The following DYNC2H1 variants were observed in gnomAD, a reference collection of about 807,000 sequenced individuals.
DYNC2H1 encodes the protein cytoplasmic dynein 2 heavy chain 1.
DYNC2H1 carries 410 observed loss-of-function variants against 570.0 expected under a neutral mutation model. The ratio of observed to expected loss-of-function variants is 0.72; its 90% CI spans 0.66 to 0.78. The LOEUF is 0.78. Ranked by LOEUF, DYNC2H1 falls within the 30% of genes least tolerant of loss-of-function variation. The pLI is 0.00. For missense variants in DYNC2H1, 4,865 were observed against 5,046.4 expected, an observed-to-expected ratio of 0.96 and a Z score of 1.09; for synonymous variants, 1,688 against 1,677.6, an observed-to-expected ratio of 1.01 and a Z score of -0.15.
chr11:103,218,074 A>G (rs1863451011), intron 55 of DYNC2H1, among the ~76,000 whole-genome samples: 1 of 152,226 alleles, frequency 6.6e-6, no homozygotes, highest in South Asian at 2.1e-4. Flanking sequence ...TCAGTCTAGT[A>G]TGGCAAGGCC....
rs1260328469 is a variant in DYNC2H1, at chr11:103,299,262, G to T, written c.11096-3831G>T. Among the ~76,000 whole-genome samples the T allele has an allele frequency of 6.6e-6, 1 of 152,046 alleles. No homozygotes were observed. Among genetic ancestry groups the T allele is most frequent in the Non-Finnish European group, 1.5e-5 (1 of 67,984 alleles). ...CCATCCCATGCACCCTGCTTTCATA[G>T]CTCAATCTGTCTTATCAAGTTTGTG... On this transcript the variant is annotated intron_variant, in intron 75 of 88. Transcript: ENST00000375735. This position sits in a 1 kb window ranked among gnomAD's most constrained non-coding sequence, Gnocchi z 4.5.
chr11:103,475,587 G>A (rs1042755104), intron 88 of DYNC2H1, among the ~76,000 whole-genome samples: 2 of 152,076 alleles, frequency 1.3e-5, no homozygotes, highest in African/African-American at 4.8e-5. Context: ...TTTTACAGAA[G>A]TAACATTTAC....
chr11:103,236,097 TTA>T (rs1367700615), intron 62 of DYNC2H1, among the ~76,000 whole-genome samples: 10 of 152,078 alleles, frequency 6.6e-5, no homozygotes, highest in African/African-American at 2.4e-4. Flanking sequence ...CAATTAAACA[TTA>T]TGTTACTTTT....
At chr11:103,354,544 A>G (rs999828834) in intron 82 of DYNC2H1, among the ~76,000 whole-genome samples, 27 of 151,944 alleles carry the variant, frequency 1.8e-4, no homozygotes, top group Admixed American at 5.9e-4. Flanking sequence ...TTTGCTTACC[A>G]TTCCTTTTTA....
rs1021515697 is a variant in DYNC2H1 at position 103,369,001 on chromosome 11, A to G, written c.12156+10642A>G. On this transcript the variant is annotated intron_variant, in intron 83 of 88. Coordinates refer to ENST00000375735, the MANE Select transcript of DYNC2H1 (RefSeq NM_001377.3). This position sits in a 1 kb window ranked among gnomAD's most constrained non-coding sequence, Gnocchi z 4.0. ...TGCACACACAAAAACCACCTTTATA[A>G]GCACTAAAAATCAGGTAAGCACTCA... is the stretch of plus-strand genomic sequence containing the variant. Among the ~76,000 whole-genome samples the G allele has an allele frequency of 2.2e-4, 33 of 152,284 alleles. No homozygotes were observed. The highest frequency in any genetic ancestry group is 3.4e-3 in the Middle Eastern group (1 of 294).
At chr11:103,296,667 T>C (rs894445213) in intron 75 of DYNC2H1, among the ~76,000 whole-genome samples, 2 of 152,158 alleles carry the variant, frequency 1.3e-5, no homozygotes, top group Admixed American at 1.3e-4. Context: ...CTCAACTCAT[T>C]TGCTGTTTTC....
At chr11:103,316,789 T>A (rs138755851) in intron 80 of DYNC2H1, among the ~76,000 whole-genome samples, 169 bp downstream of exon 80, 46 of 152,242 alleles carry the variant, frequency 3.0e-4, no homozygotes, top group African/African-American at 1.0e-3. Context: ...AGAGTTCTTA[T>A]ATGGATCTGT....
intron 11 of DYNC2H1, among the ~76,000 whole-genome samples, chr11:103,123,267 T>A (rs1375522976): frequency 6.6e-6 from 1 of 152,212 alleles, no homozygotes; most frequent in Non-Finnish European, 1.5e-5. Flanking sequence ...CATGTTTTTT[T>A]ATTATTGGTA....
At chr11:103,210,753 C>T (rs1863125757) in intron 53 of DYNC2H1, among the ~76,000 whole-genome samples, 1 of 151,896 alleles carries the variant, frequency 6.6e-6, no homozygotes, top group South Asian at 2.1e-4. Context: ...AAACAGGCAT[C>T]TTATGAAACT....
chr11:103,274,019 G>C (rs1407522320), intron 70 of DYNC2H1, among the ~76,000 whole-genome samples: 1 of 152,070 alleles, frequency 6.6e-6, no homozygotes, highest in Non-Finnish European at 1.5e-5. Context: ...TAGACTGACA[G>C]GGGCTTTGCT....
At chr11:103,265,993 A>G (rs987593717) in intron 70 of DYNC2H1, among the ~76,000 whole-genome samples, 1 of 131,410 alleles carries the variant, frequency 7.6e-6, no homozygotes, top group Non-Finnish European at 1.5e-5. Flanking sequence ...GGGGACTCAT[A>G]TTGGGCCCCA....
chr11:103,429,241 A>C (rs1241257383), intron 84 of DYNC2H1, among the ~76,000 whole-genome samples: 2 of 145,244 alleles, frequency 1.4e-5, no homozygotes, highest in Non-Finnish European at 3.0e-5. Context: ...AGCCTGGGTG[A>C]CAGAGTGAGA....
chr11:103,322,082 A>C (rs555896064), intron 81 of DYNC2H1, among the ~76,000 whole-genome samples: 3 of 152,220 alleles, frequency 2.0e-5, no homozygotes, highest in Non-Finnish European at 2.9e-5. Flanking sequence ...TTATTACCTT[A>C]AGTATGCTGT....
intron 84 of DYNC2H1, among the ~76,000 whole-genome samples, chr11:103,400,593 T>C (rs575400558): frequency 7.2e-5 from 11 of 152,262 alleles, no homozygotes; most frequent in African/African-American, 2.6e-4. Context: ...GTTTGGAGAA[T>C]AGAAACTTTG....
chr11:103,474,802 G>A (rs1945502800), intron 88 of DYNC2H1, among the ~76,000 whole-genome samples: 1 of 152,026 alleles, frequency 6.6e-6, no homozygotes, highest in South Asian at 2.1e-4. Context: ...ATAGGGTTTG[G>A]CACCATCCGC....
In DYNC2H1 at chr11:103,325,387, T is replaced by C. The variant is rs919583918; in HGVS notation, c.12039+1397T>C. On this transcript the variant is annotated intron_variant, in intron 82 of 88. Transcript: ENST00000375735. This position sits in a 1 kb window ranked among gnomAD's most constrained non-coding sequence, Gnocchi z 4.8. Reference sequence around the variant, plus strand: ...AATCCATCTTGAGTTGATTTTTGTATATGGTGGAAGGAGTGGGTCTAGTTT... The same window carrying C: ...AATCCATCTTGAGTTGATTTTTGTACATGGTGGAAGGAGTGGGTCTAGTTT... Among the ~76,000 whole-genome samples, 2 of 152,220 alleles carry C rather than the reference T, an allele frequency of 1.3e-5. No individual in the cohort carries two copies. Among genetic ancestry groups the C allele is most frequent in the African/African-American group, 4.8e-5 (2 of 41,450 alleles).
intron 85 of DYNC2H1, among the ~76,000 whole-genome samples, chr11:103,451,283 C>T (rs1565610217): frequency 1.4e-5 from 2 of 145,944 alleles, no homozygotes; most frequent in Non-Finnish European, 3.0e-5. Context: ...TCATTATTCC[C>T]TTAATTTGCA....
chr11:103,159,137 C>A (rs1860972044), intron 28 of DYNC2H1, 110 bp downstream of exon 28: 2 of 756,178 alleles, frequency 2.6e-6, no homozygotes, highest in South Asian at 1.9e-5. Flanking sequence ...TTCATATACC[C>A]AAATACAGTT....
rs766381281 is a variant in DYNC2H1 at position 103,116,706 on chromosome 11, A to C, written c.758A>C (p.Asp253Ala). Residue 253 changes from aspartate to alanine, a missense_variant, in exon 5 of 89, where the codon GAC (aspartate) becomes GCC (alanine). This residue lies in a region of DYNC2H1 where 1,936 missense variants were observed against 1,962.1 expected (regional missense o/e 0.99). Coordinates refer to ENST00000375735, the MANE Select transcript of DYNC2H1 (RefSeq NM_001377.3). ...YPESRMLHLL[D>A]IIGGSFGRFV... ...GAGTCACGAATGTTGCATCTCTTAG[A>C]CATCATAGGTACTAGTAAAAAAATG... 1.1e-5 allele frequency: 17 copies of C among 1,592,956 alleles called. No individual in the cohort carries two copies. The highest frequency in any genetic ancestry group is 1.4e-5 in the Non-Finnish European group (16 of 1,170,954).
Sources: allele counts gnomAD v4.1 joint callset (sites outside exome capture counted in the v4.1 genomes callset), GRCh38; gene constraint gnomAD v4.1.1; regional missense constraint gnomAD v4.1.1; non-coding constraint Gnocchi (gnomAD v3.1); transcripts MANE v1.5; gene names NCBI Gene and HGNC (gene_info 2026-07-23, HGNC 2026-07-21).